The following GCHFR variants were observed in gnomAD, a reference collection of about 807,000 sequenced individuals.
The protein encoded by GCHFR is GTP cyclohydrolase I feedback regulator, also known as GTP cyclohydrolase 1 feedback regulatory protein.
Under a neutral mutation model 10.6 loss-of-function variants are expected in GCHFR, and 12 were observed. The ratio of observed to expected loss-of-function variants is 1.13; its 90% CI spans 0.72 to 1.83. The LOEUF (loss-of-function observed/expected upper bound fraction) is 1.83. GCHFR is among the 40% of genes most tolerant of loss of function. The pLI is 0.00. For synonymous variants in GCHFR, 54 were observed against 43.7 expected, an observed-to-expected ratio of 1.24 and a Z score of -0.93; for missense variants, 116 against 110.6, an observed-to-expected ratio of 1.05 and a Z score of -0.22.
At position 40,764,093 on chromosome 15, in the gene GCHFR, CT is replaced by C; in HGVS notation, c.-87del. 1.6e-6 allele frequency: 2 copies of C among 1,286,346 alleles called. No individual in the cohort carries two copies. The highest frequency in any genetic ancestry group is 2.1e-6 in the Non-Finnish European group (2 of 938,576). 79.7% of individuals were successfully genotyped at this position (1,286,346 alleles called of 1,614,324 possible). A position where few individuals can be genotyped will look rare whatever the true frequency, so the allele number is the denominator to read the frequency against. On this transcript the variant is annotated 5_prime_UTR_variant, in exon 1 of 3. Transcript: ENST00000260447. ...AGAGCCGGAGTAACGGGACTCCCAG[CT>C]GCGCGTCGCAGTCCCGACGCGAGAA...
intron 1 of GCHFR, 137 bp downstream of exon 1, chr15:40,764,353 G>GGGAGAGGGAGT: frequency 1.5e-6 from 1 of 673,376 alleles, no homozygotes; most frequent in South Asian, 2.7e-5. Context: ...CCCTTGGCCG[G>GGGAGAGGGAGT]GGAGAGGGAG....
At chr15:40,766,868 T>C (rs58036350) in intron 2 of GCHFR, 6,677 of 167,646 alleles carry the variant, frequency 0.04, 492 homozygotes, top group African/African-American at 0.15. Context: ...AGCCTCCTCC[T>C]ACCTGGAAGC....
In GCHFR at chr15:40,767,670, G is replaced by A. The variant is rs1888982151; in HGVS notation, c.*321G>A. 1 of 599,754 alleles carries A rather than the reference G, an allele frequency of 1.7e-6. No individual in the cohort carries two copies. Among genetic ancestry groups the A allele is most frequent in the Non-Finnish European group, 2.8e-6 (1 of 357,154 alleles). 37.2% of individuals were successfully genotyped at this position (599,754 alleles called of 1,614,324 possible). A position where few individuals can be genotyped will look rare whatever the true frequency, so the allele number is the denominator to read the frequency against. On this transcript the variant is annotated 3_prime_UTR_variant, in exon 3 of 3. Transcript: ENST00000260447. Reference sequence around the variant, plus strand: ...CCAGCGGCCCTGGCGCGTGGCTCCTGCATAGCTAGCCCAAGCCAATAAAGG... The same window carrying A: ...CCAGCGGCCCTGGCGCGTGGCTCCTACATAGCTAGCCCAAGCCAATAAAGG...
Position 40,766,287 on chromosome 15 carries a change from G to C in GCHFR, c.131+366G>C, listed in dbSNP as rs917301535. 3 of 161,424 alleles carry C rather than the reference G, an allele frequency of 1.9e-5. No individual in the cohort carries two copies. The Admixed American group carries it at 1.9e-4, about 10-fold the overall frequency. The allele number at this position is 161,424 out of a possible 1,614,324, so 10.0% of individuals were successfully genotyped here. ...TTTGTCGTGAGGATCTGCATGAGTC[G>C]CAAAGCTAAGCCCTAGAAGCAGGGA... On this transcript the variant is annotated intron_variant, in intron 2 of 2. Coordinates refer to ENST00000260447, the MANE Select transcript of GCHFR (RefSeq NM_005258.3).
rs765589928 is a variant in GCHFR at position 40,767,372 on chromosome 15, C to T, written c.*23C>T. The T allele has an allele frequency of 1.3e-5, 21 of 1,585,832 alleles. No homozygotes were observed. The Admixed American group carries it at 1.6e-4, about 12-fold the overall frequency. On this transcript the variant is annotated 3_prime_UTR_variant, in exon 3 of 3. Coordinates refer to ENST00000260447, the MANE Select transcript of GCHFR (RefSeq NM_005258.3). ...TGACCTTCTCATGCTGATTTGCAGACGGGGCACCCCTGTGGAGGGGCTGCT... is the reference window on the plus strand; with the variant it reads ...TGACCTTCTCATGCTGATTTGCAGATGGGGCACCCCTGTGGAGGGGCTGCT...
intron 2 of GCHFR, 195 bp from the exon 3 acceptor site, chr15:40,767,031 A>C: frequency 2.2e-6 from 1 of 444,570 alleles, no homozygotes; most frequent in Non-Finnish European, 3.9e-6. Flanking sequence ...CTTGTTGGGA[A>C]GAATAAATGA....
At position 40,767,327 on chromosome 15, in the gene GCHFR, TGTG is replaced by T. The variant is rs745863947; in HGVS notation, c.237_239del (p.Trp79del). ...ATGACGGGGGTGGGCCAGACGCTGG[TGTG>T]GTGTCTGCACAAGGAGTGACCTTCT... On this transcript the variant is annotated inframe_deletion, in exon 3 of 3. Transcript: ENST00000260447. 4 of 1,600,954 alleles carry T rather than the reference TGTG, an allele frequency of 2.5e-6. No homozygotes were observed. The highest frequency in any genetic ancestry group is 3.4e-6 in the Non-Finnish European group (4 of 1,174,662).
chr15:40,766,641 C>G (rs561184784), intron 2 of GCHFR: 1 of 152,318 alleles, frequency 6.6e-6, no homozygotes, highest in South Asian at 2.1e-4. Flanking sequence ...GCTTCATGGT[C>G]TTTCAGCATC....
chr15:40,767,698 T>C lies in GCHFR; in HGVS notation c.*349T>C. 1.6e-6 allele frequency: 1 copy of C among 627,330 alleles called. No individual in the cohort carries two copies. The highest frequency in any genetic ancestry group is 2.7e-6 in the Non-Finnish European group (1 of 376,990). The allele number at this position is 627,330 out of a possible 1,614,324, so 38.9% of individuals were successfully genotyped here. ...TAGCTAGCCCAAGCCAATAAAGGGC[T>C]GTGATGAGTGGCTGCGCCTGTGCTC... is the stretch of plus-strand genomic sequence containing the variant. On this transcript the variant is annotated 3_prime_UTR_variant, in exon 3 of 3. Coordinates refer to ENST00000260447, the MANE Select transcript of GCHFR (RefSeq NM_005258.3).
chr15:40,767,005 G>A (rs750870198), intron 2 of GCHFR: 18 of 394,452 alleles, frequency 4.6e-5, no homozygotes, highest in South Asian at 9.2e-5. Flanking sequence ...GGCCACAACA[G>A]TGGCACCTTC....
chr15:40,767,437 T>C lies in GCHFR; in HGVS notation c.*88T>C, dbSNP rs1194606657. ...CCAAGCTCCTGCCTCACCGTCTGCCTTGCTCCTCTCTTCCCAAATCATCAC... is the reference window on the plus strand; with the variant it reads ...CCAAGCTCCTGCCTCACCGTCTGCCCTGCTCCTCTCTTCCCAAATCATCAC... On this transcript the variant is annotated 3_prime_UTR_variant, in exon 3 of 3. Coordinates refer to ENST00000260447, the MANE Select transcript of GCHFR (RefSeq NM_005258.3). 1 of 1,407,142 alleles carries C rather than the reference T, an allele frequency of 7.1e-7. No homozygotes were observed. Among genetic ancestry groups the C allele is most frequent in the Non-Finnish European group, 9.5e-7 (1 of 1,049,520 alleles). 87.2% of individuals were successfully genotyped at this position (1,407,142 alleles called of 1,614,324 possible). A position where few individuals can be genotyped will look rare whatever the true frequency, so the allele number is the denominator to read the frequency against.
At position 40,767,242 on chromosome 15, in the gene GCHFR, G is replaced by A. The variant is rs1490713312; in HGVS notation, c.148G>A (p.Asp50Asn). ...TCTTTGCAGTTATGAATACTACGTCGATGACCCTCCCCGCATAGTCCTGGA... is the reference window on the plus strand; with the variant it reads ...TCTTTGCAGTTATGAATACTACGTCAATGACCCTCCCCGCATAGTCCTGGA... ...LGNNFYEYYV[D>N]DPPRIVLDKL... Residue 50 changes from aspartate (D) to asparagine (N), a missense_variant, in exon 3 of 3, where the codon GAT becomes AAT. Coordinates refer to ENST00000260447, the MANE Select transcript of GCHFR (RefSeq NM_005258.3). 2 of 1,571,390 alleles carry A rather than the reference G, an allele frequency of 1.3e-6. No individual in the cohort carries two copies. The highest frequency in any genetic ancestry group is 1.2e-5 in the South Asian group (1 of 85,720).
At chr15:40,764,481 G>A in intron 1 of GCHFR, 1 of 461,592 alleles carries the variant, frequency 2.2e-6, no homozygotes, top group Non-Finnish European at 3.9e-6. Flanking sequence ...ACCTCCGGGC[G>A]CTTCCGGCTC....
Position 40,767,376 on chromosome 15 carries a change from G to A in GCHFR, c.*27G>A, listed in dbSNP as rs562588825. 9 of 1,584,416 alleles carry A rather than the reference G, an allele frequency of 5.7e-6. No individual in the cohort carries two copies. Among genetic ancestry groups the A allele is most frequent in the Admixed American group, 1.8e-5 (1 of 55,380 alleles). Reference sequence around the variant, plus strand: ...CTTCTCATGCTGATTTGCAGACGGGGCACCCCTGTGGAGGGGCTGCTGTGG... The same window carrying A: ...CTTCTCATGCTGATTTGCAGACGGGACACCCCTGTGGAGGGGCTGCTGTGG... On this transcript the variant is annotated 3_prime_UTR_variant, in exon 3 of 3. Coordinates refer to ENST00000260447, the MANE Select transcript of GCHFR (RefSeq NM_005258.3).
At chr15:40,766,855 C>T (rs894259822) in intron 2 of GCHFR, 2 of 163,570 alleles carry the variant, frequency 1.2e-5, no homozygotes, top group African/African-American at 4.8e-5. Context: ...TCACTGCAGC[C>T]TCAGCCTCCT....
chr15:40,764,202 AC>A lies in GCHFR; in HGVS notation c.25del (p.Gln9ArgfsTer20). MPYLLIS[T>X]QIRMEVGPTM... ...CACCATGCCCTACCTGCTCATCAGC[AC>A]CCAGATCCGCATGGTGAGTACCGGC... On this transcript the variant is annotated frameshift_variant, in exon 1 of 3. Coordinates refer to ENST00000260447, the MANE Select transcript of GCHFR (RefSeq NM_005258.3). LOFTEE classifies it high-confidence loss of function. 1 of 1,559,448 alleles carries A rather than the reference AC, an allele frequency of 6.4e-7. No homozygotes were observed. The highest frequency in any genetic ancestry group is 1.2e-5 in the South Asian group (1 of 84,542).
chr15:40,764,833 T>A (rs1888913534), intron 1 of GCHFR, among the ~76,000 whole-genome samples: 1 of 152,232 alleles, frequency 6.6e-6, no homozygotes, highest in Admixed American at 6.5e-5. Context: ...CGTTCCTTTC[T>A]CTGGGCGCAG....
intron 2 of GCHFR, chr15:40,766,290 A>C (rs1888947672): frequency 6.2e-6 from 1 of 160,942 alleles, no homozygotes; most frequent in Admixed American, 6.5e-5. Flanking sequence ...ATGAGTCGCA[A>C]AGCTAAGCCC....
chr15:40,766,301 T>C (rs757252011), intron 2 of GCHFR: 1 of 157,430 alleles, frequency 6.4e-6, no homozygotes, highest in Non-Finnish European at 1.4e-5. Context: ...AGCTAAGCCC[T>C]AGAAGCAGGG....
Sources: allele counts gnomAD v4.1 joint callset (sites outside exome capture counted in the v4.1 genomes callset), GRCh38; gene constraint gnomAD v4.1.1; transcripts MANE v1.5; gene names NCBI Gene and HGNC (gene_info 2026-07-23, HGNC 2026-07-21).